STMN1: variants seen among roughly 807,000 people sequenced by gnomAD.
The protein encoded by STMN1 is stathmin.
STMN1 carries 3 observed loss-of-function variants against 19.7 expected under a neutral mutation model. That is an observed-to-expected ratio of 0.15 (90% CI 0.07 to 0.39). The LOEUF is 0.39. Among genes scored for constraint, STMN1 ranks in the 10% least tolerant of loss-of-function variants. The probability of loss-of-function intolerance (pLI) is 1.00; values close to 1 mark genes in which losing one functional copy is unlikely to be tolerated. For missense variants in STMN1, 99 were observed against 176.0 expected (o/e 0.56, Z 2.48); for synonymous variants, 59 against 58.9 (o/e 1.00, Z -0.01).
At chr1:25,885,821 C>T (rs1159202622) in exon 5 of STMN1, 1 of 1,551,734 alleles carries the variant, frequency 6.4e-7, no homozygotes, top group Non-Finnish European at 8.7e-7. Flanking sequence ...GATTGCTCAG[C>T]AGAGATCTGT....
At chr1:25,889,856 C>A (rs1267499777) in intron 4 of STMN1, among the ~76,000 whole-genome samples, 1 of 152,190 alleles carries the variant, frequency 6.6e-6, no homozygotes, top group South Asian at 2.1e-4. Context: ...GCCAAGAGGG[C>A]CTCACTTAGG....
rs1392671440 is a variant in STMN1 at position 25,903,820 on chromosome 1, T to C, written c.14-7A>G. On this transcript the variant is annotated splice_region_variant and splice_polypyrimidine_tract_variant and intron_variant, in intron 2 of 4. Transcript: ENST00000455785. ...AGTTCTTTCACCTGGATATCTAGAA[T>C]TGATTATATTTATAATTCAGAAAAC... 3.2e-6 allele frequency: 5 copies of C among 1,586,298 alleles called. No individual in the cohort carries two copies. The African/African-American group carries it at 6.9e-5, about 22-fold the overall frequency.
intron 4 of STMN1, 115 bp from the exon 5 acceptor site, chr1:25,901,202 T>C (rs2048869739): frequency 3.3e-6 from 5 of 1,503,458 alleles, no homozygotes; most frequent in Non-Finnish European, 4.4e-6. Context: ...TCAGTGCATA[T>C]ATTACAGCCT....
intron 4 of STMN1, among the ~76,000 whole-genome samples, chr1:25,892,938 C>G (rs919175361): frequency 3.9e-5 from 6 of 152,174 alleles, no homozygotes; most frequent in East Asian, 1.9e-4. Context: ...TTTAGGCCAG[C>G]GCTTCTCAAG....
At chr1:25,886,589 T>TC (rs1251739010) in intron 4 of STMN1, among the ~76,000 whole-genome samples, 1 of 149,236 alleles carries the variant, frequency 6.7e-6, no homozygotes, top group East Asian at 2.0e-4. Flanking sequence ...CTTTTTTTTT[T>TC]TTTTTTTTTT....
downstream of STMN1, among the ~76,000 whole-genome samples, chr1:25,895,838 T>C (rs1051143211): frequency 6.6e-6 from 1 of 152,252 alleles, no homozygotes; most frequent in Non-Finnish European, 1.5e-5. Flanking sequence ...CAGAGCCATC[T>C]GCAAAGCTGG....
chr1:25,895,171 A>G (rs2048808044), downstream of STMN1, among the ~76,000 whole-genome samples: 1 of 136,856 alleles, frequency 7.3e-6, no homozygotes, highest in African/African-American at 2.7e-5. Context: ...GGCGTGATCT[A>G]TGCTCACTGC....
intron 1 of STMN1, chr1:25,905,573 T>C (rs1240276172): frequency 1.3e-5 from 2 of 151,858 alleles, no homozygotes; most frequent in Non-Finnish European, 2.9e-5. Flanking sequence ...CCCGCCCCCT[T>C]CCTCCCCGCG....
intron 4 of STMN1, chr1:25,887,381 G>A (rs988866781): frequency 1.0e-5 from 3 of 298,610 alleles, no homozygotes; most frequent in Non-Finnish European, 6.6e-6. Context: ...CCTCAATCCC[G>A]AAGCTTTCCT....
chr1:25,905,056 G>A (rs536800970), intron 1 of STMN1: 1 of 208,278 alleles, frequency 4.8e-6, no homozygotes, highest in South Asian at 9.1e-5. Context: ...CACCGAAACT[G>A]TAAGAAGATA....
chr1:25,891,704 G>A (rs2048777102), intron 4 of STMN1, among the ~76,000 whole-genome samples: 1 of 152,224 alleles, frequency 6.6e-6, no homozygotes, highest in South Asian at 2.1e-4. Context: ...GGCCAGTGGG[G>A]ACAGGGCTGT....
At chr1:25,887,832 A>G (rs559791587) in intron 4 of STMN1, among the ~76,000 whole-genome samples, 120 of 152,220 alleles carry the variant, frequency 7.9e-4, no homozygotes, top group African/African-American at 2.7e-3. Context: ...GACTACAGGC[A>G]TGTGCCATCA....
intron 4 of STMN1, chr1:25,887,648 G>C (rs77765189): frequency 0.061 from 14,437 of 234,842 alleles, 680 homozygotes; most frequent in Non-Finnish European, 0.085. Context: ...TGAAAATATA[G>C]ATTTCTAGAC....
exon 5 of STMN1, chr1:25,885,813 T>C (rs976972588): frequency 2.3e-5 from 35 of 1,551,556 alleles, no homozygotes; most frequent in Non-Finnish European, 2.7e-5. Flanking sequence ...GGAGACAAGA[T>C]TGCTCAGCAG....
rs1201710245 is a variant in STMN1 at position 25,900,732 on chromosome 1, T to C, written c.*284A>G. 23 of 1,222,818 alleles carry C rather than the reference T, an allele frequency of 1.9e-5. No individual in the cohort carries two copies. Among genetic ancestry groups the C allele is most frequent in the African/African-American group, 1.6e-5 (1 of 64,382 alleles). The allele number at this position is 1,222,818 out of a possible 1,614,324, so 75.7% of individuals were successfully genotyped here. On this transcript the variant is annotated 3_prime_UTR_variant, in exon 5 of 5. Transcript: ENST00000455785. The stretch of plus-strand genomic sequence containing the variant: ...TGTTTTCACAGAGCCAATACAGTAC[T>C]AGCCATTAACCCAGTACACCAAGTG...
downstream of STMN1, chr1:25,884,557 G>T (rs999308833): frequency 2.6e-5 from 4 of 152,122 alleles, no homozygotes; most frequent in Non-Finnish European, 5.9e-5. Flanking sequence ...TAAGCCGGGC[G>T]TGGTGGTGGG....
chr1:25,901,473 A>C lies in STMN1; in HGVS notation c.378+18T>G. The C allele has an allele frequency of 6.3e-7, 1 of 1,592,870 alleles. No individual in the cohort carries two copies. Among genetic ancestry groups the C allele is most frequent in the East Asian group, 2.2e-5 (1 of 44,532 alleles). On this transcript the variant is annotated intron_variant, in intron 4 of 4. Transcript: ENST00000455785. The stretch of plus-strand genomic sequence containing the variant: ...ATCAAACTCCAAGCTCAACCCTTTT[A>C]CAAAGTAAGAAACCAACCTTCTCTC...
intron 3 of STMN1, chr1:25,902,646 T>C (rs1037289279): frequency 1.3e-5 from 2 of 152,232 alleles, no homozygotes; most frequent in Admixed American, 6.5e-5. Flanking sequence ...GGGAGTTTCA[T>C]TATATTTAGC....
chr1:25,900,091 G>A, downstream of STMN1: 3 of 985,626 alleles, frequency 3.0e-6, no homozygotes, highest in Non-Finnish European at 3.6e-6. Context: ...AATAATTAAG[G>A]TTCCCTTTAG....
Sources: gnomAD v4.1 joint callset for allele counts (sites outside exome capture counted in the v4.1 genomes callset) on GRCh38, gnomAD v4.1.1 for gene constraint, MANE v1.5 for transcripts, NCBI Gene and HGNC (gene_info 2026-07-23, HGNC 2026-07-21) for gene names.